SLC2A13: variants seen among roughly 807,000 people sequenced by gnomAD.
The protein encoded by SLC2A13 is proton myo-inositol cotransporter.
A neutral mutation model predicts 64.4 loss-of-function variants in SLC2A13; 32 were observed. The observed-to-expected ratio is 0.50, with a 90% confidence interval of 0.37 to 0.67. The LOEUF (loss-of-function observed/expected upper bound fraction) is 0.67. Among genes scored for constraint, SLC2A13 ranks in the 30% least tolerant of loss-of-function variants. The pLI is 0.00. For synonymous variants in SLC2A13, 338 were observed against 327.1 expected, an observed-to-expected ratio of 1.03 and a Z score of -0.36; for missense variants, 743 against 829.2, an observed-to-expected ratio of 0.90 and a Z score of 1.28.
At chr12:40,074,170 T>C (rs1938075692) in intron 1 of SLC2A13, among the ~76,000 whole-genome samples, 1 of 148,892 alleles carries the variant, frequency 6.7e-6, no homozygotes, top group South Asian at 2.1e-4. Flanking sequence ...AAAGACATTT[T>C]TTTTTTTTTT....
intron 1 of SLC2A13, among the ~76,000 whole-genome samples, chr12:40,098,021 G>T (rs1379817085): frequency 6.7e-6 from 1 of 150,272 alleles, no homozygotes; most frequent in South Asian, 2.1e-4. Context: ...CTATATATGT[G>T]TATATGTATG....
intron 3 of SLC2A13, among the ~76,000 whole-genome samples, chr12:40,014,313 A>G (rs1947581840): frequency 6.6e-6 from 1 of 152,116 alleles, no homozygotes; most frequent in Non-Finnish European, 1.5e-5. Flanking sequence ...GCTTCCACTG[A>G]TTTACCTCAG....
At chr12:39,948,023 G>A (rs1946168621) in intron 4 of SLC2A13, among the ~76,000 whole-genome samples, 1 of 151,932 alleles carries the variant, frequency 6.6e-6, no homozygotes, top group African/African-American at 2.4e-5. Context: ...TCTTTATTTT[G>A]ACACATGCAG....
At chr12:40,023,660 C>T (rs1328791722) in intron 3 of SLC2A13, among the ~76,000 whole-genome samples, 1 of 152,160 alleles carries the variant, frequency 6.6e-6, no homozygotes, top group Admixed American at 6.5e-5. Flanking sequence ...GACTCTATGC[C>T]TTCTATATGC....
intron 3 of SLC2A13, among the ~76,000 whole-genome samples, chr12:39,975,845 A>T (rs1946748468): frequency 6.6e-6 from 1 of 150,376 alleles, no homozygotes; most frequent in Admixed American, 6.6e-5. Flanking sequence ...AATGTTCAAT[A>T]ACGTATATTT....
At chr12:39,956,325 C>A (rs28370691) in intron 3 of SLC2A13, among the ~76,000 whole-genome samples, 2,582 of 152,234 alleles carry the variant, frequency 0.017, 87 homozygotes, top group African/African-American at 0.058. Flanking sequence ...AAAGGGGCAC[C>A]AAGGGAAGTT....
At chr12:39,882,649 G>A (rs917161413) in intron 4 of SLC2A13, among the ~76,000 whole-genome samples, 5 of 152,004 alleles carry the variant, frequency 3.3e-5, no homozygotes, top group Admixed American at 1.3e-4. Flanking sequence ...CCAAGAAAGC[G>A]TGAGCAATCA....
At chr12:39,956,993 T>C (rs1223682516) in intron 3 of SLC2A13, among the ~76,000 whole-genome samples, 1 of 152,018 alleles carries the variant, frequency 6.6e-6, no homozygotes, top group Non-Finnish European at 1.5e-5. Context: ...TGGGCTACAA[T>C]CAAGCACAGC....
chr12:39,798,185 C>T (rs1472963361), intron 7 of SLC2A13, among the ~76,000 whole-genome samples: 1 of 152,176 alleles, frequency 6.6e-6, no homozygotes, highest in Non-Finnish European at 1.5e-5. Flanking sequence ...CCAGCATTAA[C>T]CTGCCAGGCA....
chr12:39,991,761 T>A (rs1439036541), intron 3 of SLC2A13, among the ~76,000 whole-genome samples: 1 of 152,058 alleles, frequency 6.6e-6, no homozygotes, highest in Non-Finnish European at 1.5e-5. Context: ...ATTCTTTGTT[T>A]GAAAGTATTG....
intron 4 of SLC2A13, among the ~76,000 whole-genome samples, chr12:39,938,726 A>ATTTTTTTTTTTT: frequency 6.7e-6 from 1 of 150,212 alleles, no homozygotes. Flanking sequence ...TGCTGTATCC[A>ATTTTTTTTTTTT]TGAACAGTAC....
chr12:39,758,433 A>G lies in SLC2A13; in HGVS notation c.*1593T>C, dbSNP rs1940027513. The G allele has an allele frequency of 6.6e-6, 1 of 151,956 alleles. No individual in the cohort carries two copies. Among genetic ancestry groups the G allele is most frequent in the South Asian group, 2.1e-4 (1 of 4,828 alleles). 9.4% of individuals were successfully genotyped at this position (151,956 alleles called of 1,614,324 possible). ...ATAGCCACCTTTTCTCTCCAAATAC[A>G]GTACCTTATTAGATGTTTAGAGCCA... On this transcript the variant is annotated 3_prime_UTR_variant, in exon 10 of 10. Coordinates refer to ENST00000280871, the MANE Select transcript of SLC2A13 (RefSeq NM_052885.4).
At chr12:39,838,509 A>T (rs1322478966) in intron 6 of SLC2A13, among the ~76,000 whole-genome samples, 1 of 20,710 alleles carries the variant, frequency 4.8e-5, no homozygotes, top group South Asian at 1.2e-3. Flanking sequence ...AATAAATTAA[A>T]AAAAAAAAAA....
At chr12:39,775,901 C>G (rs1027888159) in intron 7 of SLC2A13, among the ~76,000 whole-genome samples, 1 of 152,182 alleles carries the variant, frequency 6.6e-6, no homozygotes, top group African/African-American at 2.4e-5. Flanking sequence ...CACCCCTAAT[C>G]TGAAATCCAA....
At chr12:40,077,778 C>T (rs938608484) in intron 1 of SLC2A13, among the ~76,000 whole-genome samples, 20 of 152,024 alleles carry the variant, frequency 1.3e-4, no homozygotes, top group Admixed American at 1.2e-3. Flanking sequence ...TTTTCCTATC[C>T]ATGAACATGG....
At chr12:39,889,758 T>TGC (rs1944557546) in intron 4 of SLC2A13, among the ~76,000 whole-genome samples, 1 of 152,016 alleles carries the variant, frequency 6.6e-6, no homozygotes, top group African/African-American at 2.4e-5. Flanking sequence ...TCTTGATTTC[T>TGC]TGACCTCGTG....
chr12:40,028,733 C>T (rs1208727604), intron 2 of SLC2A13, among the ~76,000 whole-genome samples: 4 of 152,254 alleles, frequency 2.6e-5, no homozygotes, highest in Middle Eastern at 3.4e-3. Context: ...ACCTTTCCCA[C>T]AAATTACATT....
chr12:39,830,273 G>T, intron 6 of SLC2A13, 45 bp from the exon 7 acceptor site: 1 of 1,596,150 alleles, frequency 6.3e-7, no homozygotes. Context: ...GAGACAACTG[G>T]TGCTCACCAT....
intron 2 of SLC2A13, among the ~76,000 whole-genome samples, chr12:40,031,506 C>G (rs886690631): frequency 6.6e-6 from 1 of 152,160 alleles, no homozygotes; most frequent in Non-Finnish European, 1.5e-5. Context: ...CAGGCACGCG[C>G]CACTGCTTTC....
Sources: allele counts gnomAD v4.1 joint callset (sites outside exome capture counted in the v4.1 genomes callset), GRCh38; gene constraint gnomAD v4.1.1; transcripts MANE v1.5; gene names NCBI Gene and HGNC (gene_info 2026-07-23, HGNC 2026-07-21).